THSD7B: variants seen among roughly 807,000 people sequenced by gnomAD.
The protein encoded by THSD7B is thrombospondin type-1 domain-containing protein 7B.
Under a neutral mutation model 213.6 loss-of-function variants are expected in THSD7B, and 138 were observed. The ratio of observed to expected loss-of-function variants is 0.65; its 90% CI spans 0.56 to 0.74. The LOEUF (loss-of-function observed/expected upper bound fraction) is 0.74. Ranked by LOEUF, THSD7B falls within the 30% of genes least tolerant of loss-of-function variation. The probability of loss-of-function intolerance (pLI) is 0.00; values close to 1 mark genes in which losing one functional copy is unlikely to be tolerated. For missense variants in THSD7B, 1,931 were observed against 1,991.5 expected (o/e 0.97, Z 0.58); for synonymous variants, 742 against 687.0 (o/e 1.08, Z -1.25).
chr2:137,363,703 G>A (rs113679780), intron 12 of THSD7B, among the ~76,000 whole-genome samples: 5,506 of 152,128 alleles, frequency 0.036, 342 homozygotes, highest in African/African-American at 0.13. Flanking sequence ...AGTTGAATCA[G>A]TGAATAGACC....
intron 2 of THSD7B, among the ~76,000 whole-genome samples, chr2:136,944,169 A>T (rs918256033): frequency 6.6e-6 from 1 of 152,152 alleles, no homozygotes. Context: ...CACGTCATTC[A>T]GTTTACATTT....
chr2:137,071,781 T>C (rs1687493954), intron 3 of THSD7B, among the ~76,000 whole-genome samples: 1 of 152,204 alleles, frequency 6.6e-6, no homozygotes, highest in Non-Finnish European at 1.5e-5. Flanking sequence ...AATTAATTTT[T>C]GTATAAGGTG....
At chr2:137,588,153 C>T (rs1415378870) in intron 17 of THSD7B, among the ~76,000 whole-genome samples, 1 of 152,218 alleles carries the variant, frequency 6.6e-6, no homozygotes, top group African/African-American at 2.4e-5. Flanking sequence ...ATATAATCTC[C>T]TGGTCTGCCG....
intron 10 of THSD7B, among the ~76,000 whole-genome samples, chr2:137,252,030 G>A (rs1005073565): frequency 6.6e-6 from 1 of 152,066 alleles, no homozygotes; most frequent in African/African-American, 2.4e-5. Context: ...GCCCTTGGGA[G>A]GCCGAGGTGG....
intron 2 of THSD7B, among the ~76,000 whole-genome samples, chr2:137,011,439 G>A (rs892209529): frequency 6.6e-5 from 10 of 152,040 alleles, no homozygotes; most frequent in South Asian, 2.1e-4. Flanking sequence ...TAAGTTGTAC[G>A]GACTGTTCTG....
intron 2 of THSD7B, among the ~76,000 whole-genome samples, chr2:136,996,158 A>AAG: frequency 6.6e-6 from 1 of 152,310 alleles, no homozygotes; most frequent in Non-Finnish European, 1.5e-5. Context: ...CTGCTGTAGC[A>AAG]GTAATTTCTA....
At chr2:137,396,940 A>G (rs1333473267) in intron 12 of THSD7B, among the ~76,000 whole-genome samples, 6 of 141,462 alleles carry the variant, frequency 4.2e-5, no homozygotes, top group Non-Finnish European at 6.3e-5. Flanking sequence ...GTCTCTTTTG[A>G]TCTTTGTTGG....
At chr2:137,068,887 T>C (rs1687427622) in intron 3 of THSD7B, among the ~76,000 whole-genome samples, 1 of 152,096 alleles carries the variant, frequency 6.6e-6, no homozygotes, top group Non-Finnish European at 1.5e-5. Flanking sequence ...TAAACTCCTG[T>C]TTGTGACTTG....
At chr2:137,663,649 GA>G in intron 26 of THSD7B, 74 bp downstream of exon 26, 2 of 1,313,166 alleles carry the variant, frequency 1.5e-6, no homozygotes, top group Non-Finnish European at 2.1e-6. Context: ...TCTCATGATG[GA>G]AAGAATGGAG....
intron 2 of THSD7B, among the ~76,000 whole-genome samples, chr2:136,996,151 C>G (rs918526649): frequency 2.6e-5 from 4 of 152,168 alleles, no homozygotes; most frequent in African/African-American, 7.2e-5. Context: ...AGAGATGCTG[C>G]TGTAGCAGTA....
intron 10 of THSD7B, among the ~76,000 whole-genome samples, chr2:137,259,921 G>C (rs1482414363): frequency 6.6e-6 from 1 of 151,754 alleles, no homozygotes; most frequent in African/African-American, 2.4e-5. Context: ...GTGTGTGTGC[G>C]TGTGGGTGTG....
At position 137,616,240 on chromosome 2, in the gene THSD7B, G is replaced by A. The variant is rs202007052; in HGVS notation, c.3489G>A (p.Arg1163=). The A allele has an allele frequency of 8.7e-5, 140 of 1,613,676 alleles. No homozygotes were observed. The highest frequency in any genetic ancestry group is 1.6e-4 in the Middle Eastern group (1 of 6,084). The change falls in exon 18 of 28, where the codon AGG becomes AGA. Residue 1163 remains arginine (R), a synonymous_variant. Coordinates refer to ENST00000409968, the MANE Select transcript of THSD7B (RefSeq NM_001316349.2). ...RHLLRPSLNS[R]TCAEDSQVQP... ...TGCTAAGACCATCACTGAACTCAAG[G>A]ACTTGTGCTGAAGACTCACAGGTGC...
At chr2:137,234,904 G>T (rs2889090) in intron 9 of THSD7B, among the ~76,000 whole-genome samples, 54,944 of 151,896 alleles carry the variant, frequency 0.36, 10,123 homozygotes, top group East Asian at 0.49. Flanking sequence ...CATAAATACT[G>T]TTTTTGCTCT....
At chr2:137,200,550 A>C (rs1442305896) in intron 7 of THSD7B, among the ~76,000 whole-genome samples, 2 of 152,130 alleles carry the variant, frequency 1.3e-5, no homozygotes, top group Non-Finnish European at 1.5e-5. Context: ...TTTAAATGCA[A>C]ACACACATGT....
intron 20 of THSD7B, among the ~76,000 whole-genome samples, chr2:137,640,794 T>A (rs1445811470): frequency 2.0e-5 from 3 of 152,220 alleles, no homozygotes; most frequent in Non-Finnish European, 2.9e-5. Context: ...TAACATAATA[T>A]CACATCAATA....
At chr2:137,377,636 T>C (rs2104959103) in intron 12 of THSD7B, among the ~76,000 whole-genome samples, 1 of 152,166 alleles carries the variant, frequency 6.6e-6, no homozygotes, top group South Asian at 2.1e-4. Flanking sequence ...AATTCACTTT[T>C]TTTTTTTTGA....
At chr2:137,633,304 A>G (rs1682775733) in intron 20 of THSD7B, among the ~76,000 whole-genome samples, 1 of 152,226 alleles carries the variant, frequency 6.6e-6, no homozygotes, top group Non-Finnish European at 1.5e-5. Flanking sequence ...TACTGCTTTC[A>G]GAAATTTACT....
chr2:137,013,863 C>T (rs952497079), intron 2 of THSD7B, among the ~76,000 whole-genome samples: 5 of 152,160 alleles, frequency 3.3e-5, no homozygotes, highest in Admixed American at 2.6e-4. Flanking sequence ...TCAGTCCCTT[C>T]GAGTAAGTGC....
chr2:137,159,144 C>T (rs1679962604), intron 5 of THSD7B, among the ~76,000 whole-genome samples: 1 of 151,978 alleles, frequency 6.6e-6, no homozygotes, highest in African/African-American at 2.4e-5. Context: ...GAAAGAGTCT[C>T]CTGGCGGCCA....
Sources: allele counts gnomAD v4.1 joint callset (sites outside exome capture counted in the v4.1 genomes callset), GRCh38; gene constraint gnomAD v4.1.1; transcripts MANE v1.5; gene names NCBI Gene and HGNC (gene_info 2026-07-23, HGNC 2026-07-21).